VPS50: variants seen among roughly 807,000 people sequenced by gnomAD.
VPS50 encodes the protein VPS50 subunit of EARP/GARPII complex, also known as syndetin.
A neutral mutation model predicts 139.7 loss-of-function variants in VPS50; 70 were observed. That is an observed-to-expected ratio of 0.50 (90% confidence interval 0.41 to 0.61). VPS50 has a LOEUF of 0.61. Among genes scored for constraint, VPS50 ranks in the 20% least tolerant of loss-of-function variants. The probability of loss-of-function intolerance (pLI) is 0.00; values close to 1 mark genes in which losing one functional copy is unlikely to be tolerated. For missense variants in VPS50, 921 were observed against 1,133.7 expected, an observed-to-expected ratio of 0.81 and a Z score of 2.69; for synonymous variants, 365 against 376.7, an observed-to-expected ratio of 0.97 and a Z score of 0.36.
intron 27 of VPS50, among the ~76,000 whole-genome samples, chr7:93,357,677 C>T: frequency 6.6e-6 from 1 of 152,102 alleles, no homozygotes; most frequent in East Asian, 1.9e-4. Flanking sequence ...GCTATTCAAC[C>T]TCCAGTACCA....
Position 93,349,867 on chromosome 7 carries a change from T to C in VPS50, c.2305-8T>C, listed in dbSNP as rs1798508417. 2 of 1,597,230 alleles carry C rather than the reference T, an allele frequency of 1.3e-6. No homozygotes were observed. The highest frequency in any genetic ancestry group is 4.5e-5 in the East Asian group (2 of 44,750). ...TAATTGTTTTCATTTTTGTGAAATT[T>C]ATTTCAGACAGTCTCAACCGCCAGT... On this transcript the variant is annotated splice_region_variant and splice_polypyrimidine_tract_variant and intron_variant, in intron 24 of 27. Coordinates refer to ENST00000305866, the MANE Select transcript of VPS50 (RefSeq NM_017667.4).
intron 2 of VPS50, among the ~76,000 whole-genome samples, chr7:93,250,993 C>T (rs1795308463): frequency 1.3e-5 from 2 of 152,204 alleles, no homozygotes; most frequent in African/African-American, 4.8e-5. Context: ...CATTTCACGC[C>T]AGTTAGAATG....
intron 8 of VPS50, 149 bp from the exon 9 acceptor site, chr7:93,259,401 G>T: frequency 2.1e-6 from 1 of 473,932 alleles, no homozygotes; most frequent in Non-Finnish European, 3.8e-6. Flanking sequence ...CTTATATTTT[G>T]TCACTTATCT....
chr7:93,278,999 A>G (rs1796246563), intron 12 of VPS50, among the ~76,000 whole-genome samples: 1 of 152,204 alleles, frequency 6.6e-6, no homozygotes, highest in Non-Finnish European at 1.5e-5. Context: ...TGGTGAGAAT[A>G]ATAGCAAATA....
In VPS50 at chr7:93,256,563, G is replaced by A. The variant is rs919440758; in HGVS notation, c.351+1G>A. On this transcript the variant is annotated splice_donor_variant, in intron 5 of 27. Coordinates refer to ENST00000305866, the MANE Select transcript of VPS50 (RefSeq NM_017667.4). LOFTEE classifies it high-confidence loss of function. ...TGAAAAACAGCCTGCTTATGTAAAG[G>A]TAGGATAATATTTGTTATTTTTTGT... 1.4e-6 allele frequency: 2 copies of A among 1,444,786 alleles called. No homozygotes were observed. Among genetic ancestry groups the A allele is most frequent in the Non-Finnish European group, 1.9e-6 (2 of 1,068,662 alleles). The allele number at this position is 1,444,786 out of a possible 1,614,324, so 89.5% of individuals were successfully genotyped here. A position where few individuals can be genotyped will look rare whatever the true frequency, so the allele number is the denominator to read the frequency against.
chr7:93,313,231 G>A (rs114997491), intron 20 of VPS50, among the ~76,000 whole-genome samples: 18 of 152,272 alleles, frequency 1.2e-4, no homozygotes, highest in African/African-American at 4.3e-4. Flanking sequence ...TTGGCAAAGG[G>A]AGGGGAGAAG....
Position 93,289,576 on chromosome 7 carries a change from TAGAA to T in VPS50, c.943-2124_943-2121del, listed in dbSNP as rs535903807. Among the ~76,000 whole-genome samples the T allele has an allele frequency of 1.6e-3, 239 of 152,242 alleles. 2 individuals are homozygous for T. Among genetic ancestry groups the T allele is most frequent in the East Asian group, 1.5e-3 (8 of 5,194 alleles). ...TTACTTGTAAATTTTGTGTTGTAAT[TAGAA>T]AGTCTTTTTCTATATCAATGTTAGA... On this transcript the variant is annotated intron_variant, in intron 12 of 27. Transcript: ENST00000305866.
chr7:93,347,753 A>ACT (rs1798441578), intron 23 of VPS50, among the ~76,000 whole-genome samples: 1 of 145,470 alleles, frequency 6.9e-6, no homozygotes, highest in South Asian at 2.2e-4. Context: ...GCATATTCTC[A>ACT]CTCATAGGTG....
chr7:93,344,187 C>G (rs1296407607), intron 23 of VPS50, among the ~76,000 whole-genome samples: 1 of 152,220 alleles, frequency 6.6e-6, no homozygotes, highest in East Asian at 1.9e-4. Flanking sequence ...ATCCTAGTCT[C>G]TGATAAAACA....
intron 12 of VPS50, among the ~76,000 whole-genome samples, chr7:93,286,214 T>C (rs116048077): frequency 0.019 from 2,818 of 152,278 alleles, 100 homozygotes; most frequent in African/African-American, 0.064. Flanking sequence ...TTTCAAGATA[T>C]GTTATTTAGC....
chr7:93,324,111 A>G (rs941601094), intron 21 of VPS50, among the ~76,000 whole-genome samples: 1 of 152,194 alleles, frequency 6.6e-6, no homozygotes, highest in Non-Finnish European at 1.5e-5. Flanking sequence ...TATTTATAAG[A>G]TAATGATGTA....
intron 25 of VPS50, among the ~76,000 whole-genome samples, chr7:93,350,948 A>G (rs1798539205): frequency 6.6e-6 from 1 of 152,208 alleles, no homozygotes. Context: ...CATTTACACA[A>G]TCATTCTTAC....
intron 21 of VPS50, among the ~76,000 whole-genome samples, chr7:93,331,659 T>C (rs992456537): frequency 2.0e-5 from 3 of 152,122 alleles, no homozygotes; most frequent in African/African-American, 7.2e-5. Flanking sequence ...GAGAAAATCT[T>C]TGTGACATTT....
chr7:93,351,772 A>G (rs866658590), intron 25 of VPS50, among the ~76,000 whole-genome samples: 3 of 152,202 alleles, frequency 2.0e-5, no homozygotes, highest in African/African-American at 7.2e-5. Context: ...CATTCAGACC[A>G]TAGAACATAC....
chr7:93,286,282 T>G (rs982939542), intron 12 of VPS50, among the ~76,000 whole-genome samples: 8 of 152,210 alleles, frequency 5.3e-5, no homozygotes, highest in Admixed American at 4.6e-4. Flanking sequence ...AATACTTTCA[T>G]TGCTATTTTC....
chr7:93,323,485 T>C, intron 20 of VPS50, 126 bp from the exon 21 acceptor site: 1 of 281,366 alleles, frequency 3.6e-6, no homozygotes, highest in East Asian at 7.1e-5. Flanking sequence ...ATGGCTACTG[T>C]GAGGGAGTGC....
chr7:93,347,784 C>T (rs892853433), intron 23 of VPS50, among the ~76,000 whole-genome samples: 2 of 135,444 alleles, frequency 1.5e-5, no homozygotes, highest in Non-Finnish European at 3.0e-5. Flanking sequence ...AATGAGAACA[C>T]ACGGACACAG....
At chr7:93,327,440 T>C (rs1201942008) in intron 21 of VPS50, among the ~76,000 whole-genome samples, 1 of 152,220 alleles carries the variant, frequency 6.6e-6, no homozygotes, top group Non-Finnish European at 1.5e-5. Flanking sequence ...CAGCTCATTA[T>C]ATACTGACAC....
At chr7:93,235,674 G>GT (rs1382097398) in intron 1 of VPS50, among the ~76,000 whole-genome samples, 1 of 152,224 alleles carries the variant, frequency 6.6e-6, no homozygotes, top group African/African-American at 2.4e-5. Context: ...TTGGAAGAAT[G>GT]TAATTGCCAT....
Sources: allele counts gnomAD v4.1 joint callset (sites outside exome capture counted in the v4.1 genomes callset), GRCh38; gene constraint gnomAD v4.1.1; transcripts MANE v1.5; gene names NCBI Gene and HGNC (gene_info 2026-07-23, HGNC 2026-07-21).